Variants in LAIR2 observed in about 807,000 individuals in gnomAD.
LAIR2 encodes leukocyte-associated immunoglobulin-like receptor 2.
LAIR2 carries 14 observed loss-of-function variants against 14.8 expected under a neutral mutation model. That is an observed-to-expected ratio of 0.95 (90% confidence interval 0.62 to 1.48). The LOEUF (loss-of-function observed/expected upper bound fraction) is 1.48. Ranked by LOEUF, LAIR2 falls within the 40% of genes most tolerant of loss-of-function variation. The pLI is 0.00. For synonymous variants in LAIR2, 75 were observed against 74.5 expected, an observed-to-expected ratio of 1.01 and a Z score of -0.03; for missense variants, 172 against 180.9, an observed-to-expected ratio of 0.95 and a Z score of 0.28.
At chr19:54,507,104 CA>C (rs1218693165) in intron 2 of LAIR2, among the ~76,000 whole-genome samples, 5 of 151,010 alleles carry the variant, frequency 3.3e-5, no homozygotes, top group Non-Finnish European at 4.4e-5. Context: ...GAAGCCCTGC[CA>C]GCTCTCTGCC....
chr19:54,505,410 G>T (rs1218978238), intron 2 of LAIR2, among the ~76,000 whole-genome samples: 1 of 151,654 alleles, frequency 6.6e-6, no homozygotes, highest in African/African-American at 2.4e-5. Context: ...TCTCTTCATC[G>T]ACTTTTCCTG....
At position 54,510,519 on chromosome 19, in the gene LAIR2, C is replaced by A; in HGVS notation, c.416-7C>A. ...ATTAATACTGAGGAAGTATTTTGTC[C>A]TCACAGGGACTGTGCCAGGCACTGA... On this transcript the variant is annotated splice_polypyrimidine_tract_variant and splice_region_variant and intron_variant, in intron 4 of 4. Transcript: ENST00000301202. 6.2e-7 allele frequency: 1 copy of A among 1,611,372 alleles called. No individual in the cohort carries two copies. Among genetic ancestry groups the A allele is most frequent in the Non-Finnish European group, 8.5e-7 (1 of 1,178,022 alleles).
chr19:54,504,060 G>C (rs112715176), intron 2 of LAIR2, among the ~76,000 whole-genome samples: 4 of 151,552 alleles, frequency 2.6e-5, no homozygotes, highest in South Asian at 2.1e-4. Context: ...AGTTTCAAGC[G>C]ATTCTCCTGC....
chr19:54,502,913 G>A lies in LAIR2; in HGVS notation c.-6G>A, dbSNP rs199699656. 358 of 1,613,886 alleles carry A rather than the reference G, an allele frequency of 2.2e-4. 1 individual carries two copies. The highest frequency in any genetic ancestry group is 4.5e-4 in the Admixed American group (27 of 59,998). ...GTGTCTGCTGCAGAGTTCTGGGACC[G>A]GGGCCATGTCTCCACACCTCACTGC... On this transcript the variant is annotated 5_prime_UTR_variant, in exon 1 of 5. Transcript: ENST00000301202.
At chr19:54,504,081 T>A (rs2085322261) in intron 2 of LAIR2, among the ~76,000 whole-genome samples, 1 of 151,556 alleles carries the variant, frequency 6.6e-6, no homozygotes, top group South Asian at 2.1e-4. Context: ...CTCGGCCTCC[T>A]GAGTAGCTGG....
intron 2 of LAIR2, among the ~76,000 whole-genome samples, chr19:54,504,406 A>G (rs554725473): frequency 8.9e-4 from 135 of 152,330 alleles, no homozygotes; most frequent in African/African-American, 3.2e-3. Context: ...TGATGAGAAC[A>G]TTTAAAACCT....
At chr19:54,507,803 A>G (rs2085390400) in intron 2 of LAIR2, 88 bp from the exon 3 acceptor site, 4 of 1,344,222 alleles carry the variant, frequency 3.0e-6, no homozygotes, top group Non-Finnish European at 4.1e-6. Flanking sequence ...AAATTGCTAA[A>G]ATCCCTGAAT....
chr19:54,510,055 C>T (rs1279567433), intron 4 of LAIR2, among the ~76,000 whole-genome samples: 1,682 of 143,300 alleles, frequency 0.012, no homozygotes, highest in African/African-American at 0.043. Context: ...GTGCTCCATC[C>T]GGACCCCCTC....
chr19:54,510,389 A>T, intron 4 of LAIR2, 137 bp from the exon 5 acceptor site: 2 of 624,210 alleles, frequency 3.2e-6, no homozygotes, highest in South Asian at 2.3e-5. Flanking sequence ...AACAGAGGCA[A>T]TAGAAGAGCT....
rs542263370 is a variant in LAIR2 at position 54,510,589 on chromosome 19, C to A, written c.*20C>A. ...CCATGAATGAGGAGAAATGGCCTCC[C>A]GTCTTGTGAACTTCAATGGGGAGAA... On this transcript the variant is annotated 3_prime_UTR_variant, in exon 5 of 5. Transcript: ENST00000301202. 6.2e-7 allele frequency: 1 copy of A among 1,613,518 alleles called. No homozygotes were observed. The highest frequency in any genetic ancestry group is 1.7e-5 in the Admixed American group (1 of 59,986).
intron 2 of LAIR2, among the ~76,000 whole-genome samples, chr19:54,506,550 C>T (rs1159606630): frequency 3.3e-5 from 5 of 152,134 alleles, no homozygotes; most frequent in African/African-American, 1.2e-4. Context: ...CCACCGCCCA[C>T]CTGTCCCCTA....
rs80146754 is a variant in LAIR2, at chr19:54,510,678, C to A, written c.*109C>A. On this transcript the variant is annotated 3_prime_UTR_variant, in exon 5 of 5. Transcript: ENST00000301202. ...ACATACATATACAAATAAAAAGATACGATTCGCAATGGAGAATTTCAGACC... is the reference window on the plus strand; with the variant it reads ...ACATACATATACAAATAAAAAGATAAGATTCGCAATGGAGAATTTCAGACC... The A allele has an allele frequency of 1.8e-3, 2,336 of 1,301,822 alleles. 35 individuals carry two copies. The African/African-American group carries it at 0.031, about 17-fold the overall frequency. 80.6% of individuals were successfully genotyped at this position (1,301,822 alleles called of 1,614,324 possible). A position where few individuals can be genotyped will look rare whatever the true frequency, so the allele number is the denominator to read the frequency against.
At chr19:54,505,762 C>T (rs575921174) in intron 2 of LAIR2, among the ~76,000 whole-genome samples, 7 of 151,920 alleles carry the variant, frequency 4.6e-5, no homozygotes, top group African/African-American at 1.7e-4. Flanking sequence ...CCTCCAGGTT[C>T]TTTCGCTTTC....
intron 2 of LAIR2, among the ~76,000 whole-genome samples, chr19:54,505,279 C>T (rs879300779): frequency 2.9e-4 from 44 of 152,064 alleles, no homozygotes; most frequent in Non-Finnish European, 4.1e-4. Flanking sequence ...AGCTTCTTGG[C>T]GGGGAACGTG....
At chr19:54,504,479 T>C (rs2085329205) in intron 2 of LAIR2, among the ~76,000 whole-genome samples, 1 of 150,196 alleles carries the variant, frequency 6.7e-6, no homozygotes. Context: ...TGCTATGCAA[T>C]AGATCTCAAA....
chr19:54,510,385 G>A (rs2085447892), intron 4 of LAIR2, 141 bp from the exon 5 acceptor site: 1 of 608,888 alleles, frequency 1.6e-6, no homozygotes, highest in Non-Finnish European at 2.8e-6. Flanking sequence ...GTGAAACAGA[G>A]GCAATAGAAG....
chr19:54,507,278 A>T (rs1296215161), intron 2 of LAIR2, among the ~76,000 whole-genome samples: 1 of 150,052 alleles, frequency 6.7e-6, no homozygotes, highest in Non-Finnish European at 1.5e-5. Context: ...GAAACTATAG[A>T]GGAAAACCCA....
In LAIR2 at chr19:54,507,946, G is replaced by A; in HGVS notation, c.126G>A (p.Gly42=). ...AGCCAGGCACTGTGATCTCCCCGGGGAGCCATGTGACTTTCATGTGCCGGG... is the reference window on the plus strand; with the variant it reads ...AGCCAGGCACTGTGATCTCCCCGGGAAGCCATGTGACTTTCATGTGCCGGG... The part of the protein sequence containing the change: ...SAEPGTVISP[G]SHVTFMCRGP... The change falls in exon 3 of 5, where the codon GGG becomes GGA. Residue 42 remains glycine, a synonymous_variant. Coordinates refer to ENST00000301202, the MANE Select transcript of LAIR2 (RefSeq NM_002288.6). The A allele has an allele frequency of 6.2e-7, 1 of 1,614,106 alleles. No individual in the cohort carries two copies. The highest frequency in any genetic ancestry group is 1.7e-5 in the Admixed American group (1 of 60,006).
At chr19:54,507,814 T>G in intron 2 of LAIR2, 77 bp from the exon 3 acceptor site, 4 of 1,404,702 alleles carry the variant, frequency 2.8e-6, no homozygotes, top group Non-Finnish European at 2.9e-6. Context: ...ATCCCTGAAT[T>G]GTGATCCTAA....
Sources: allele counts gnomAD v4.1 joint callset (sites outside exome capture counted in the v4.1 genomes callset), GRCh38; gene constraint gnomAD v4.1.1; transcripts MANE v1.5; gene names NCBI Gene and HGNC (gene_info 2026-07-23, HGNC 2026-07-21).